The following BCO1 variants were observed in gnomAD, a reference collection of about 807,000 sequenced individuals.
BCO1 encodes the protein beta-carotene oxygenase 1.
BCO1 carries 54 observed loss-of-function variants against 56.3 expected under a neutral mutation model. That is an observed-to-expected ratio of 0.96 (90% confidence interval 0.77 to 1.20). The LOEUF is 1.20. BCO1 is among the 50% of genes most tolerant of loss of function. BCO1 has a pLI of 0.00. For missense variants in BCO1, 801 were observed against 690.9 expected, an observed-to-expected ratio of 1.16 and a Z score of -1.79; for synonymous variants, 318 against 266.1, an observed-to-expected ratio of 1.20 and a Z score of -1.90.
At chr16:81,273,253 G>C (rs1907349136) in intron 7 of BCO1, among the ~76,000 whole-genome samples, 1 of 152,138 alleles carries the variant, frequency 6.6e-6, no homozygotes, top group Non-Finnish European at 1.5e-5. Flanking sequence ...AAAGTGCTGA[G>C]ATTACAGGCA....
At chr16:81,263,169 G>A (rs532763614) in intron 4 of BCO1, 4 of 148,828 alleles carry the variant, frequency 2.7e-5, no homozygotes, top group Admixed American at 2.0e-4. Context: ...GGAGTGCAGT[G>A]GTGCGATCTC....
chr16:81,256,380 T>C (rs1331821792), intron 2 of BCO1, among the ~76,000 whole-genome samples: 1 of 152,176 alleles, frequency 6.6e-6, no homozygotes, highest in Non-Finnish European at 1.5e-5. Flanking sequence ...TGAGGTCAAC[T>C]TTTTGCTTAT....
At chr16:81,256,816 A>T (rs1013513894) in intron 2 of BCO1, among the ~76,000 whole-genome samples, 3 of 152,052 alleles carry the variant, frequency 2.0e-5, no homozygotes, top group African/African-American at 4.8e-5. Flanking sequence ...CGAACCTGAG[A>T]CGTGGAGGTT....
intron 1 of BCO1, among the ~76,000 whole-genome samples, chr16:81,243,065 T>C (rs1905210924): frequency 6.6e-6 from 1 of 151,970 alleles, no homozygotes; most frequent in Non-Finnish European, 1.5e-5. Flanking sequence ...AGAAGATGGG[T>C]GCCTGCCAGG....
Position 81,259,726 on chromosome 16 carries a change from A to C in BCO1, c.244A>C (p.Asn82His). ...KYLRSDTYNT[N>H]IEANRIVVSE... is the part of the protein sequence containing the mutation. ...CCTGAGAAGCGATACCTACAACACC[A>C]ATATTGAGGCAAACAGGATTGTGGT... The change falls in exon 3 of 11, where the codon AAT becomes CAT. Residue 82 changes from asparagine to histidine, a missense_variant. Physicochemically the swap from Asn to His is moderately conservative, Grantham distance 68. Coordinates refer to ENST00000258168, the MANE Select transcript of BCO1 (RefSeq NM_017429.3). 1 of 1,614,208 alleles carries C rather than the reference A, an allele frequency of 6.2e-7. No individual in the cohort carries two copies. Among genetic ancestry groups the C allele is most frequent in the Non-Finnish European group, 8.5e-7 (1 of 1,180,028 alleles).
chr16:81,245,545 C>A lies in BCO1; in HGVS notation c.135C>A (p.Ser45=). 5.0e-6 allele frequency: 8 copies of A among 1,613,776 alleles called. No individual in the cohort carries two copies. Among genetic ancestry groups the A allele is most frequent in the Non-Finnish European group, 6.8e-6 (8 of 1,179,704 alleles). The change falls in exon 2 of 11, where the codon TCC becomes TCA. Residue 45 remains serine (S), a synonymous_variant. Coordinates refer to ENST00000258168, the MANE Select transcript of BCO1 (RefSeq NM_017429.3). The stretch of plus-strand genomic sequence containing the variant: ...CTGGGATGCACACAGTTGGGGAGTC[C>A]AGATACAACCATTGGTTCGACGGCC... ...NGPGMHTVGE[S]RYNHWFDGLA...
rs539078355 is a variant in BCO1 at position 81,257,406 on chromosome 16, A to C, written c.194-2270A>C. Reference sequence around the variant, plus strand: ...CAGCCTCCTGAGTAGCTGGGATTACAAGGGTGTGCCACCACACCCAGCTAA... The same window carrying C: ...CAGCCTCCTGAGTAGCTGGGATTACCAGGGTGTGCCACCACACCCAGCTAA... On this transcript the variant is annotated intron_variant, in intron 2 of 10. Transcript: ENST00000258168. 1.2e-4 allele frequency among the ~76,000 whole-genome samples: 18 copies of C among 152,022 alleles called. No individual in the cohort carries two copies. In the East Asian group the frequency reaches 3.5e-3, roughly 30 times the overall value.
chr16:81,267,350 C>T (rs1484638658), intron 5 of BCO1, among the ~76,000 whole-genome samples: 4 of 152,166 alleles, frequency 2.6e-5, no homozygotes, highest in South Asian at 4.1e-4. Context: ...CAGTGGCTCA[C>T]ACCTGTAATC....
At chr16:81,273,305 G>A (rs74031603) in intron 7 of BCO1, among the ~76,000 whole-genome samples, 27,373 of 152,012 alleles carry the variant, frequency 0.18, 3,136 homozygotes, top group Non-Finnish European at 0.24. Flanking sequence ...TTGTAACTAC[G>A]AAGGAGGAGG....
intron 3 of BCO1, among the ~76,000 whole-genome samples, chr16:81,260,243 A>C (rs1906400319): frequency 6.6e-6 from 1 of 152,086 alleles, no homozygotes; most frequent in Non-Finnish European, 1.5e-5. Context: ...TGCCATGTAG[A>C]AGTAAAAAGG....
At chr16:81,276,804 C>A (rs754070847) in intron 7 of BCO1, among the ~76,000 whole-genome samples, 2 of 151,568 alleles carry the variant, frequency 1.3e-5, no homozygotes, top group Non-Finnish European at 2.9e-5. Flanking sequence ...TGGTGGCTCA[C>A]GCGTGTAAAC....
At position 81,265,788 on chromosome 16, in the gene BCO1, A is replaced by G. The variant is rs894388380; in HGVS notation, c.619+1001A>G. ...CCATCCACTCATCCACTTATCCACCATCCATCCATTGAGCCACCCACCTGC... is the reference window on the plus strand; with the variant it reads ...CCATCCACTCATCCACTTATCCACCGTCCATCCATTGAGCCACCCACCTGC... On this transcript the variant is annotated intron_variant, in intron 5 of 10. Transcript: ENST00000258168. Among the ~76,000 whole-genome samples the G allele has an allele frequency of 6.3e-5, 6 of 95,792 alleles. No individual in the cohort carries two copies. The Admixed American group carries it at 6.6e-4, about 11-fold the overall frequency. 62.8% of individuals were successfully genotyped at this position (95,792 alleles called of 152,430 possible). A position where few individuals can be genotyped will look rare whatever the true frequency, so the allele number is the denominator to read the frequency against.
rs369557075 is a variant in BCO1 at position 81,270,395 on chromosome 16, C to T, written c.1080C>T (p.Ala360=). Residue 360 remains alanine (A), a synonymous_variant, in exon 7 of 11, where the codon GCC becomes GCT. Transcript: ENST00000258168. ...LTSVPTLRRF[A]VPLHVDKNAE... is the part of the protein sequence containing the mutation. The stretch of plus-strand genomic sequence containing the variant: ...CGGTCCCCACCCTCAGGAGGTTTGC[C>T]GTGCCCCTCCACGTGGACAAGGTAA... 12 of 1,613,880 alleles carry T rather than the reference C, an allele frequency of 7.4e-6. No homozygotes were observed. Among genetic ancestry groups the T allele is most frequent in the East Asian group, 4.5e-5 (2 of 44,886 alleles).
At chr16:81,240,247 C>G (rs1420384621) in intron 1 of BCO1, among the ~76,000 whole-genome samples, 1 of 151,992 alleles carries the variant, frequency 6.6e-6, no homozygotes, top group Non-Finnish European at 1.5e-5. Flanking sequence ...CTCTTAACCA[C>G]TATTAATATT....
chr16:81,267,243 A>G (rs540110499), intron 5 of BCO1, among the ~76,000 whole-genome samples: 2 of 152,252 alleles, frequency 1.3e-5, no homozygotes, highest in South Asian at 4.1e-4. Flanking sequence ...ATGATAGCCC[A>G]TTCCACTAAG....
intron 7 of BCO1, among the ~76,000 whole-genome samples, chr16:81,279,481 A>G (rs1351713099): frequency 1.3e-5 from 2 of 152,242 alleles, no homozygotes; most frequent in African/African-American, 2.4e-5. Context: ...TAATAATAAT[A>G]TAACAACGTC....
At chr16:81,283,438 A>T (rs918948680) in intron 8 of BCO1, among the ~76,000 whole-genome samples, 5 of 152,082 alleles carry the variant, frequency 3.3e-5, no homozygotes, top group Non-Finnish European at 7.4e-5. Flanking sequence ...TAAAAAAAAA[A>T]ATACAAAAAT....
intron 2 of BCO1, among the ~76,000 whole-genome samples, chr16:81,249,930 G>T (rs781089129): frequency 2.0e-5 from 3 of 152,162 alleles, no homozygotes; most frequent in African/African-American, 2.4e-5. Flanking sequence ...TCTAGCATGG[G>T]GCCTGGCCCA....
intron 8 of BCO1, among the ~76,000 whole-genome samples, chr16:81,282,812 A>G (rs1446299167): frequency 1.3e-5 from 2 of 151,982 alleles, no homozygotes; most frequent in African/African-American, 4.8e-5. Flanking sequence ...TCCTCCCATC[A>G]TGCATGGATT....
Sources: gnomAD v4.1 joint callset for allele counts (sites outside exome capture counted in the v4.1 genomes callset) on GRCh38, gnomAD v4.1.1 for gene constraint, MANE v1.5 for transcripts, NCBI Gene and HGNC (gene_info 2026-07-23, HGNC 2026-07-21) for gene names.